NLGN1: variants seen among roughly 807,000 people sequenced by gnomAD.
The protein encoded by NLGN1 is neuroligin 1.
Under a neutral mutation model 65.5 loss-of-function variants are expected in NLGN1, and 12 were observed. That is an observed-to-expected ratio of 0.18 (90% CI 0.12 to 0.30). The LOEUF is 0.30. NLGN1 is among the 10% of genes least tolerant of loss of function. The pLI is 1.00. For synonymous variants in NLGN1, 350 were observed against 359.5 expected, an observed-to-expected ratio of 0.97 and a Z score of 0.30; for missense variants, 750 against 1,007.1, an observed-to-expected ratio of 0.74 and a Z score of 3.46.
At chr3:174,128,259 A>G (rs1472181235) in intron 4 of NLGN1, among the ~76,000 whole-genome samples, 2 of 152,190 alleles carry the variant, frequency 1.3e-5, no homozygotes, top group African/African-American at 2.4e-5. Flanking sequence ...CAGGAATGCT[A>G]CCTATCCTAC....
chr3:173,895,231 T>C (rs1736132776), intron 4 of NLGN1, among the ~76,000 whole-genome samples: 1 of 152,182 alleles, frequency 6.6e-6, no homozygotes, highest in Non-Finnish European at 1.5e-5. Context: ...TAAGGACTGA[T>C]ATGATTAGAC....
intron 2 of NLGN1, among the ~76,000 whole-genome samples, chr3:173,578,776 A>G (rs967870253): frequency 1.2e-4 from 18 of 152,226 alleles, no homozygotes; most frequent in Admixed American, 5.2e-4. Flanking sequence ...CCAAAATATC[A>G]AGAGAACCTG....
chr3:174,174,449 A>C (rs1729085814), intron 4 of NLGN1, among the ~76,000 whole-genome samples: 1 of 152,050 alleles, frequency 6.6e-6, no homozygotes, highest in Non-Finnish European at 1.5e-5. Context: ...GCAGTGTAGA[A>C]GTGTTCCCTA....
intron 4 of NLGN1, among the ~76,000 whole-genome samples, chr3:173,833,099 T>C (rs556417752): frequency 6.6e-6 from 1 of 152,184 alleles, no homozygotes; most frequent in African/African-American, 2.4e-5. Flanking sequence ...CTACTGAATA[T>C]AGAAAAAATT....
In NLGN1 at chr3:173,528,397, C is replaced by T. The variant is rs562893244; in HGVS notation, c.-320-75882C>T. Among the ~76,000 whole-genome samples, 199 of 152,140 alleles carry T rather than the reference C, an allele frequency of 1.3e-3. 1 individual carries two copies. Among genetic ancestry groups the T allele is most frequent in the African/African-American group, 4.4e-3 (184 of 41,492 alleles). On this transcript the variant is annotated intron_variant, in intron 2 of 6. Transcript: ENST00000457714. ...GTTATTTTACATTGACCTTGCATAG[C>T]TTTATAACTATATGCCTTGATGATA... is the stretch of plus-strand genomic sequence containing the variant.
intron 4 of NLGN1, among the ~76,000 whole-genome samples, chr3:173,909,129 T>G (rs182029583): frequency 6.6e-6 from 1 of 152,110 alleles, no homozygotes; most frequent in Non-Finnish European, 1.5e-5. Flanking sequence ...ATAACTAGTA[T>G]GAATTGTATT....
intron 3 of NLGN1, among the ~76,000 whole-genome samples, chr3:173,794,686 C>A (rs1292572865): frequency 2.6e-5 from 4 of 152,122 alleles, no homozygotes; most frequent in African/African-American, 9.7e-5. Flanking sequence ...AAAAATCAAA[C>A]AAATATAGTG....
intron 4 of NLGN1, among the ~76,000 whole-genome samples, chr3:174,172,482 GT>G (rs111490774): frequency 0.15 from 23,396 of 151,908 alleles, 3,529 homozygotes; most frequent in African/African-American, 0.4. Flanking sequence ...CCAATTTGAT[GT>G]GATTTTTGTA....
intron 4 of NLGN1, among the ~76,000 whole-genome samples, chr3:174,047,689 G>A (rs2152498484): frequency 6.6e-6 from 1 of 151,804 alleles, no homozygotes; most frequent in African/African-American, 2.4e-5. Context: ...AAAACAGCCA[G>A]AAAAGACATG....
intron 1 of NLGN1, among the ~76,000 whole-genome samples, chr3:173,417,228 T>C (rs1180948117): frequency 6.6e-6 from 1 of 151,978 alleles, no homozygotes; most frequent in Non-Finnish European, 1.5e-5. Flanking sequence ...AACTTAAATA[T>C]ACTATAGAAG....
intron 4 of NLGN1, among the ~76,000 whole-genome samples, chr3:173,911,506 T>G (rs1192567557): frequency 6.6e-6 from 1 of 152,196 alleles, no homozygotes; most frequent in Non-Finnish European, 1.5e-5. Flanking sequence ...TGATGAAAGG[T>G]TGAATCAGAG....
Position 174,279,328 on chromosome 3 carries a change from T to C in NLGN1, c.1327T>C (p.Trp443Arg). ...AACCATTAAGTTCATGTATACTGAC[T>C]GGGCTGACCGTCATAACCCTGAAAC... The change falls in exon 6 of 7, where the codon TGG (tryptophan) becomes CGG (arginine). Residue 443 changes from tryptophan to arginine, a missense_variant. Coordinates refer to ENST00000457714, the Ensembl canonical transcript of NLGN1. This position sits in a 1 kb window ranked among gnomAD's most constrained non-coding sequence, Gnocchi z 4.7. The C allele has an allele frequency of 1.2e-6, 2 of 1,613,444 alleles. No homozygotes were observed. Among genetic ancestry groups the C allele is most frequent in the Non-Finnish European group, 1.7e-6 (2 of 1,179,590 alleles).
intron 4 of NLGN1, among the ~76,000 whole-genome samples, chr3:173,813,581 C>G (rs1270096815): frequency 1.3e-5 from 2 of 152,022 alleles, no homozygotes; most frequent in Middle Eastern, 3.4e-3. Context: ...TTTATTCATA[C>G]TAATTTGAAA....
chr3:174,067,921 G>A (rs1488653085), intron 4 of NLGN1, among the ~76,000 whole-genome samples: 2 of 152,160 alleles, frequency 1.3e-5, no homozygotes, highest in East Asian at 1.9e-4. Flanking sequence ...TCTGTTCTAC[G>A]AATAGCATAC....
chr3:173,564,719 A>T (rs576325127), intron 2 of NLGN1, among the ~76,000 whole-genome samples: 1 of 152,346 alleles, frequency 6.6e-6, no homozygotes, highest in African/African-American at 2.4e-5. Context: ...ACATGTTGCA[A>T]ACACAAGAAG....
At chr3:174,163,535 C>T (rs967165515) in intron 4 of NLGN1, among the ~76,000 whole-genome samples, 3 of 151,908 alleles carry the variant, frequency 2.0e-5, no homozygotes, top group African/African-American at 4.8e-5. Context: ...CCCATCACCC[C>T]GGTACTGAGC....
rs58453866 is a variant in NLGN1 at position 174,081,597 on chromosome 3, G to GT, written c.647-193699dup. 6.4e-3 allele frequency among the ~76,000 whole-genome samples: 776 copies of GT among 122,014 alleles called. 8 individuals carry two copies. Among genetic ancestry groups the GT allele is most frequent in the African/African-American group, 0.015 (460 of 30,992 alleles). 80.0% of individuals were successfully genotyped at this position (122,014 alleles called of 152,430 possible). On this transcript the variant is annotated intron_variant, in intron 4 of 6. Coordinates refer to ENST00000457714, the Ensembl canonical transcript of NLGN1. ...ATACCATCAAATTAGTGATTAGGTT[G>GT]TTTTTTTTTTTTTTTTTTTGAGACA...
At chr3:173,865,381 C>G (rs902725135) in intron 4 of NLGN1, among the ~76,000 whole-genome samples, 1 of 152,082 alleles carries the variant, frequency 6.6e-6, no homozygotes, top group Non-Finnish European at 1.5e-5. Context: ...CCCCAAAATG[C>G]TCCATCATTT....
At chr3:173,533,941 C>T (rs1237329592) in intron 2 of NLGN1, among the ~76,000 whole-genome samples, 1 of 152,086 alleles carries the variant, frequency 6.6e-6, no homozygotes, top group Non-Finnish European at 1.5e-5. Context: ...GTGATCGTGC[C>T]ACTGCACTCC....
Sources: gnomAD v4.1 joint callset for allele counts (sites outside exome capture counted in the v4.1 genomes callset) on GRCh38, gnomAD v4.1.1 for gene constraint, Gnocchi (gnomAD v3.1) non-coding constraint, MANE v1.5 for transcripts, NCBI Gene and HGNC (gene_info 2026-07-23, HGNC 2026-07-21) for gene names.